Variants in GOLGA8B observed in about 807,000 individuals in gnomAD.
GOLGA8B encodes the protein golgin subfamily A member 8B.
In GOLGA8B, 1 loss-of-function variant was observed where a neutral mutation model predicts 15.6. That is an observed-to-expected ratio of 0.06 (90% CI 0.02 to 0.30). The LOEUF is 0.30. Ranked by LOEUF, GOLGA8B falls within the 10% of genes least tolerant of loss-of-function variation. GOLGA8B has a pLI of 1.00. For missense variants in GOLGA8B, 17 were observed against 201.3 expected (o/e 0.08, Z 5.54); for synonymous variants, 9 against 80.3 (o/e 0.11, Z 4.75).
At chr15:34,574,237 A>G (rs1889004047) in intron 1 of GOLGA8B, among the ~76,000 whole-genome samples, 2 of 152,190 alleles carry the variant, frequency 1.3e-5, no homozygotes, top group South Asian at 2.1e-4. Context: ...ACAAAGGTCT[A>G]ATCGCAGAGG....
intron 1 of GOLGA8B, among the ~76,000 whole-genome samples, chr15:34,571,248 G>A: frequency 6.6e-6 from 1 of 152,148 alleles, no homozygotes; most frequent in Non-Finnish European, 1.5e-5. Flanking sequence ...AGGAAGTCAA[G>A]GCTGCAATGA....
At chr15:34,577,244 C>T (rs1889108229) in intron 1 of GOLGA8B, among the ~76,000 whole-genome samples, 1 of 152,102 alleles carries the variant, frequency 6.6e-6, no homozygotes, top group Non-Finnish European at 1.5e-5. Flanking sequence ...GCACAATGCA[C>T]ACACTTGCTT....
intron 1 of GOLGA8B, among the ~76,000 whole-genome samples, chr15:34,567,495 G>A (rs150137652): frequency 1.3e-5 from 2 of 150,964 alleles, no homozygotes; most frequent in South Asian, 4.1e-4. Flanking sequence ...CATTAAACGA[G>A]AAGAAAATCG....
At chr15:34,572,100 T>A (rs573033444) in intron 1 of GOLGA8B, among the ~76,000 whole-genome samples, 1 of 152,294 alleles carries the variant, frequency 6.6e-6, no homozygotes, top group African/African-American at 2.4e-5. Context: ...CAAAATGAAA[T>A]AAGCTATCAC....
chr15:34,554,281 G>A (rs1357450941), intron 1 of GOLGA8B, among the ~76,000 whole-genome samples: 3 of 152,284 alleles, frequency 2.0e-5, no homozygotes, highest in African/African-American at 7.2e-5. Flanking sequence ...TGCCCTGGCT[G>A]AGCTGATCAC....
chr15:34,582,367 C>G (rs1041232718), intron 1 of GOLGA8B, among the ~76,000 whole-genome samples: 2 of 152,224 alleles, frequency 1.3e-5, no homozygotes, highest in Admixed American at 1.3e-4. Flanking sequence ...AACCACTGTC[C>G]TTTCTCAACG....
At chr15:34,573,884 T>C (rs2554775) in intron 1 of GOLGA8B, among the ~76,000 whole-genome samples, 52,347 of 146,346 alleles carry the variant, frequency 0.36, 10,047 homozygotes, top group Admixed American at 0.45. Context: ...GACTCCCAGG[T>C]ACCTGTGGAG....
intron 1 of GOLGA8B, among the ~76,000 whole-genome samples, chr15:34,580,480 C>T (rs920344097): frequency 2.6e-4 from 12 of 46,586 alleles, no homozygotes; most frequent in Non-Finnish European, 5.7e-4. Context: ...CCCACCAGTA[C>T]GCAGGGTTCC....
At chr15:34,563,554 C>T (rs1888679281) in intron 1 of GOLGA8B, among the ~76,000 whole-genome samples, 1 of 149,186 alleles carries the variant, frequency 6.7e-6, no homozygotes, top group Non-Finnish European at 1.5e-5. Context: ...CTTGGTAACC[C>T]CATCCCTTTT....
At chr15:34,575,071 G>C (rs1595711418) in intron 1 of GOLGA8B, among the ~76,000 whole-genome samples, 4 of 148,020 alleles carry the variant, frequency 2.7e-5, no homozygotes, top group African/African-American at 9.9e-5. Context: ...TTGGAGAACA[G>C]GGGCAATTTA....
intron 1 of GOLGA8B, among the ~76,000 whole-genome samples, chr15:34,564,355 TAAAA>T (rs58970262): frequency 1.9e-5 from 2 of 105,474 alleles, no homozygotes; most frequent in African/African-American, 3.4e-5. Context: ...TGTAGATTCT[TAAAA>T]AAAAAAAAAA....
At position 34,546,925 on chromosome 15, in the gene GOLGA8B, C is replaced by A. The variant is rs1888304026; in HGVS notation, c.-527+10G>T. The A allele has an allele frequency of 1.0e-5, 1 of 99,454 alleles. No individual in the cohort carries two copies. The highest frequency in any genetic ancestry group is 1.9e-5 in the Non-Finnish European group (1 of 53,582). The allele number at this position is 99,454 out of a possible 1,614,324, so 6.2% of individuals were successfully genotyped here. On this transcript the variant is annotated intron_variant, in intron 5 of 23. Coordinates refer to ENST00000683415, the MANE Select transcript of GOLGA8B (RefSeq NM_001023567.5). ...AGAAGTAGCCATTAGCAAATTCAGG[C>A]AATACATACCGGATTCATACTTCAG... is the stretch of plus-strand genomic sequence containing the variant.
chr15:34,571,326 T>TA (rs200266731), intron 1 of GOLGA8B, among the ~76,000 whole-genome samples: 71 of 147,358 alleles, frequency 4.8e-4, no homozygotes, highest in Non-Finnish European at 8.1e-4. Context: ...ATAAATTAAT[T>TA]AAAAAAAAAT....
At chr15:34,581,687 T>C (rs915912191) in intron 1 of GOLGA8B, among the ~76,000 whole-genome samples, 4 of 152,028 alleles carry the variant, frequency 2.6e-5, no homozygotes, top group African/African-American at 9.7e-5. Context: ...TGGAAGAGAA[T>C]GAGGAGCTGA....
chr15:34,559,585 G>GGGGA (rs1555406138), intron 1 of GOLGA8B, among the ~76,000 whole-genome samples: 1 of 68,746 alleles, frequency 1.5e-5, no homozygotes, highest in African/African-American at 6.9e-5. Context: ...TGAGAATGGG[G>GGGGA]GAGAGAGAGA....
chr15:34,582,056 C>T (rs1889251123), intron 1 of GOLGA8B, among the ~76,000 whole-genome samples: 1 of 152,214 alleles, frequency 6.6e-6, no homozygotes, highest in African/African-American at 2.4e-5. Context: ...CCCGCAGTTC[C>T]TAAGCTCAGG....
At chr15:34,582,391 A>C (rs187856050) in intron 1 of GOLGA8B, among the ~76,000 whole-genome samples, 3 of 152,358 alleles carry the variant, frequency 2.0e-5, no homozygotes, top group Admixed American at 2.0e-4. Flanking sequence ...AAGAAAATAG[A>C]AACAAACAAA....
chr15:34,564,129 T>C (rs947677319), intron 1 of GOLGA8B, among the ~76,000 whole-genome samples: 4 of 144,214 alleles, frequency 2.8e-5, no homozygotes, highest in African/African-American at 5.0e-5. Flanking sequence ...GGAGGTGCTA[T>C]TGGCATCTCT....
At chr15:34,583,267 C>G (rs978884861) in intron 1 of GOLGA8B, among the ~76,000 whole-genome samples, 1 of 151,990 alleles carries the variant, frequency 6.6e-6, no homozygotes, top group African/African-American at 2.4e-5. Context: ...TTGCCTGGTC[C>G]CCGCCGCACC....
Sources: gnomAD v4.1 joint callset for allele counts (sites outside exome capture counted in the v4.1 genomes callset) on GRCh38, gnomAD v4.1.1 for gene constraint, MANE v1.5 for transcripts, NCBI Gene and HGNC (gene_info 2026-07-23, HGNC 2026-07-21) for gene names.